The following PSME4 variants were observed in gnomAD, a reference collection of about 807,000 sequenced individuals.
PSME4 encodes the protein proteasome activator subunit 4, also known as proteasome activator complex subunit 4.
Under a neutral mutation model 253.9 loss-of-function variants are expected in PSME4, and 89 were observed. That is an observed-to-expected ratio of 0.35 (90% confidence interval 0.30 to 0.42). The LOEUF (loss-of-function observed/expected upper bound fraction) is 0.42. Among genes scored for constraint, PSME4 ranks in the 10% least tolerant of loss-of-function variants. The pLI, the probability that PSME4 is intolerant of heterozygous loss-of-function variation, is 1.00. For synonymous variants in PSME4, 851 were observed against 759.2 expected (o/e 1.12, Z -1.99); for missense variants, 2,014 against 2,195.2 (o/e 0.92, Z 1.65).
rs60203960 is a variant in PSME4, at chr2:53,873,238, C to CAAAAAAAAAAAAA, written c.5100+1100_5100+1101insTTTTTTTTTTTTT. 3.0e-4 allele frequency among the ~76,000 whole-genome samples: 37 copies of CAAAAAAAAAAAAA among 123,158 alleles called. 2 individuals carry two copies. Among genetic ancestry groups the CAAAAAAAAAAAAA allele is most frequent in the African/African-American group, 7.8e-4 (23 of 29,362 alleles). 80.8% of individuals were successfully genotyped at this position (123,158 alleles called of 152,430 possible). On this transcript the variant is annotated intron_variant, in intron 43 of 46. Coordinates refer to ENST00000404125, the MANE Select transcript of PSME4 (RefSeq NM_014614.3). The stretch of plus-strand genomic sequence containing the variant: ...CCTGGGTAACAGCGAGACTCCGTCT[C>CAAAAAAAAAAAAA]AAAAAAAAAGAAAAAAAAAAACAGT...
At chr2:53,964,267 G>A (rs1375507263) in intron 1 of PSME4, among the ~76,000 whole-genome samples, 1 of 152,140 alleles carries the variant, frequency 6.6e-6, no homozygotes. Flanking sequence ...GAGACAGAGG[G>A]TATACAGGAA....
chr2:53,943,292 C>T (rs889658924), intron 3 of PSME4, among the ~76,000 whole-genome samples: 6 of 152,208 alleles, frequency 3.9e-5, no homozygotes, highest in African/African-American at 1.4e-4. Flanking sequence ...TATCTGCCTT[C>T]ATCCCTTTAT....
intron 1 of PSME4, among the ~76,000 whole-genome samples, chr2:53,963,116 A>C (rs1006036915): frequency 6.6e-6 from 1 of 152,086 alleles, no homozygotes. Context: ...ACTTGAGCCC[A>C]AGAGTTCAAG....
At chr2:53,928,658 T>C (rs1194354611) in intron 10 of PSME4, among the ~76,000 whole-genome samples, 1 of 152,210 alleles carries the variant, frequency 6.6e-6, no homozygotes, top group African/African-American at 2.4e-5. Context: ...CAGGTATGCA[T>C]GCATGTGAAA....
intron 3 of PSME4, among the ~76,000 whole-genome samples, chr2:53,945,652 C>A (rs780711297): frequency 2.6e-5 from 4 of 152,130 alleles, no homozygotes; most frequent in Non-Finnish European, 4.4e-5. Flanking sequence ...ACATGCCGCT[C>A]TAAGCAGTGA....
rs186083274 is a variant in PSME4 at position 53,948,271 on chromosome 2, T to A, written c.500+150A>T. On this transcript the variant is annotated intron_variant, in intron 3 of 46. Coordinates refer to ENST00000404125, the MANE Select transcript of PSME4 (RefSeq NM_014614.3). ...CTCAGATACAGTTTATAGAGGGCAATGAATTGTTTCAGGAGTCAAATTACA... is the reference window on the plus strand; with the variant it reads ...CTCAGATACAGTTTATAGAGGGCAAAGAATTGTTTCAGGAGTCAAATTACA... The A allele has an allele frequency of 3.5e-4, 226 of 644,346 alleles. No homozygotes were observed. In the African/African-American group the frequency reaches 3.5e-3, roughly 10 times the overall value. The allele number at this position is 644,346 out of a possible 1,614,324, so 39.9% of individuals were successfully genotyped here. A position where few individuals can be genotyped will look rare whatever the true frequency, so the allele number is the denominator to read the frequency against.
intron 42 of PSME4, among the ~76,000 whole-genome samples, chr2:53,875,426 T>C (rs1192867667): frequency 6.6e-6 from 1 of 152,214 alleles, no homozygotes; most frequent in African/African-American, 2.4e-5. Flanking sequence ...TTGACTGACT[T>C]GCCCAAAGTC....
chr2:53,959,267 A>G (rs1328003901), intron 1 of PSME4, among the ~76,000 whole-genome samples: 1 of 152,158 alleles, frequency 6.6e-6, no homozygotes, highest in African/African-American at 2.4e-5. Context: ...TGGGAGGCTG[A>G]GGCAGGAGAA....
At chr2:53,966,061 G>A (rs138955626) in intron 1 of PSME4, among the ~76,000 whole-genome samples, 92 of 152,150 alleles carry the variant, frequency 6.0e-4, no homozygotes, top group African/African-American at 1.7e-3. Context: ...GATCTTGGGC[G>A]GATCATTTGG....
intron 1 of PSME4, among the ~76,000 whole-genome samples, chr2:53,954,284 C>G (rs1184820231): frequency 2.0e-5 from 3 of 151,536 alleles, no homozygotes; most frequent in Non-Finnish European, 4.4e-5. Context: ...GCCAAGATCT[C>G]GCTGCTGCAC....
At chr2:53,964,283 T>C (rs1025634468) in intron 1 of PSME4, among the ~76,000 whole-genome samples, 2 of 152,206 alleles carry the variant, frequency 1.3e-5, no homozygotes, top group African/African-American at 2.4e-5. Context: ...AGGAACTCTA[T>C]ACTTTCCATT....
intron 20 of PSME4, among the ~76,000 whole-genome samples, chr2:53,910,717 G>T (rs978442644): frequency 6.6e-6 from 1 of 152,100 alleles, no homozygotes. Flanking sequence ...ACCAGACCCA[G>T]CCAGTTAAAT....
chr2:53,906,945 A>C (rs1680686626), intron 24 of PSME4, 77 bp from the exon 25 acceptor site: 2 of 1,361,748 alleles, frequency 1.5e-6, no homozygotes, highest in African/African-American at 1.4e-5. Context: ...TAAATACCTT[A>C]ATAAGTGGTC....
Position 53,906,821 on chromosome 2 carries a change from T to C in PSME4, c.2832A>G (p.Val944=), listed in dbSNP as rs754227584. 5 of 1,613,682 alleles carry C rather than the reference T, an allele frequency of 3.1e-6. No individual in the cohort carries two copies. Among genetic ancestry groups the C allele is most frequent in the Non-Finnish European group, 4.2e-6 (5 of 1,179,824 alleles). Reference sequence around the variant, plus strand: ...ACATATTTACCTCATGCTGTAACATTACTCTATCAATCAACAGTGCTCTGA... The same window carrying C: ...ACATATTTACCTCATGCTGTAACATCACTCTATCAATCAACAGTGCTCTGA... ...QHIRALLIDR[V]MLQHELRTLT... Residue 944 remains valine (V), a synonymous_variant, in exon 25 of 47, where the codon GTA becomes GTG. Transcript: ENST00000404125.
chr2:53,924,336 G>A (rs1334907914), intron 14 of PSME4, among the ~76,000 whole-genome samples: 2 of 152,142 alleles, frequency 1.3e-5, no homozygotes, highest in Admixed American at 6.5e-5. Context: ...TGGCTTCTAG[G>A]ATTAACATAT....
rs574215310 is a variant in PSME4, at chr2:53,865,417, A to G, written c.*161T>C. On this transcript the variant is annotated 3_prime_UTR_variant, in exon 47 of 47. Transcript: ENST00000404125. ...GTTGGGAAATCAAATGGCAACTGAG[A>G]AGCTGTGGAATGCAGACTAACGAGA... 1.3e-5 allele frequency: 2 copies of G among 151,994 alleles called. No homozygotes were observed. Among genetic ancestry groups the G allele is most frequent in the Admixed American group, 1.3e-4 (2 of 15,258 alleles). 9.4% of individuals were successfully genotyped at this position (151,994 alleles called of 1,614,324 possible). A position where few individuals can be genotyped will look rare whatever the true frequency, so the allele number is the denominator to read the frequency against.
chr2:53,867,638 C>G (rs967321632), intron 44 of PSME4, among the ~76,000 whole-genome samples: 1 of 147,014 alleles, frequency 6.8e-6, no homozygotes, highest in Non-Finnish European at 1.5e-5. Flanking sequence ...CCACTGCACT[C>G]CAAGGAGGGC....
Position 53,891,930 on chromosome 2 carries a change from T to TGGAA in PSME4, c.4191+874_4191+877dup, listed in dbSNP as rs1389150163. ...ATGGATGGACAGACGGAAGGACAGA[T>TGGAA]GGAAGGAAGGAAGGAAGGAAGGAAT... is the stretch of plus-strand genomic sequence containing the variant. On this transcript the variant is annotated intron_variant, in intron 36 of 46. Coordinates refer to ENST00000404125, the MANE Select transcript of PSME4 (RefSeq NM_014614.3). 5.7e-4 allele frequency among the ~76,000 whole-genome samples: 85 copies of TGGAA among 148,110 alleles called. No homozygotes were observed. In the East Asian group the frequency reaches 7.1e-3, roughly 12 times the overall value.
chr2:53,939,733 T>C (rs1480126706), intron 4 of PSME4, among the ~76,000 whole-genome samples: 1 of 152,174 alleles, frequency 6.6e-6, no homozygotes, highest in Non-Finnish European at 1.5e-5. Flanking sequence ...TTATGTAAAG[T>C]ATGGTATTCT....
Sources: allele counts gnomAD v4.1 joint callset (sites outside exome capture counted in the v4.1 genomes callset), GRCh38; gene constraint gnomAD v4.1.1; transcripts MANE v1.5; gene names NCBI Gene and HGNC (gene_info 2026-07-23, HGNC 2026-07-21).